Variants in TMEM39A observed in about 807,000 individuals in gnomAD.
The protein encoded by TMEM39A is suppressor of SQST-1 aggregates in rpl-43 mutants.
Under a neutral mutation model 51.9 loss-of-function variants are expected in TMEM39A, and 19 were observed. The observed-to-expected ratio is 0.37, with a 90% CI of 0.26 to 0.54. The LOEUF is 0.54. Ranked by LOEUF, TMEM39A falls within the 20% of genes least tolerant of loss-of-function variation. The pLI is 0.88. For missense variants in TMEM39A, 433 were observed against 590.5 expected (o/e 0.73, Z 2.76); for synonymous variants, 197 against 220.2 (o/e 0.89, Z 0.93).
chr3:119,435,603 A>G (rs2107659385), intron 7 of TMEM39A: 1 of 983,178 alleles, frequency 1.0e-6, no homozygotes, highest in African/African-American at 1.7e-5. Context: ...AATCTAAGTT[A>G]ATTCATCTCT....
rs533579816 is a variant in TMEM39A, at chr3:119,449,216, T to A, written c.421-2044A>T. 1.6e-4 allele frequency among the ~76,000 whole-genome samples: 24 copies of A among 152,242 alleles called. 1 individual carries two copies. The highest frequency in any genetic ancestry group is 5.9e-4 in the Admixed American group (9 of 15,302). Reference sequence around the variant, plus strand: ...ACTGTATATAAATAATTCTCAAATATAGTAAAATAAATGTAAATATAAAAT... The same window carrying A: ...ACTGTATATAAATAATTCTCAAATAAAGTAAAATAAATGTAAATATAAAAT... On this transcript the variant is annotated intron_variant, in intron 4 of 8. Transcript: ENST00000319172.
At position 119,438,005 on chromosome 3, in the gene TMEM39A, T is replaced by G. The variant is rs1453830487; in HGVS notation, c.674A>C (p.Glu225Ala). 1 of 1,614,032 alleles carries G rather than the reference T, an allele frequency of 6.2e-7. No individual in the cohort carries two copies. The highest frequency in any genetic ancestry group is 8.5e-7 in the Non-Finnish European group (1 of 1,180,010). Residue 225 changes from glutamate (E) to alanine (A), a missense_variant, in exon 6 of 9, where the codon GAG becomes GCG. Glu to Ala is a moderately radical substitution (Grantham distance 107). This residue lies in a region of TMEM39A where 223 missense variants were observed against 328.1 expected (regional missense o/e 0.68). Coordinates refer to ENST00000319172, the MANE Select transcript of TMEM39A (RefSeq NM_018266.3). ...YNYVVQHEAV[E>A]ESASTVGGLA... ...GCCTCCCACAGTCGAGGCACTTTCCTCTACTGCCTCGTGCTGAACCACATA... is the reference window on the plus strand; with the variant it reads ...GCCTCCCACAGTCGAGGCACTTTCCGCTACTGCCTCGTGCTGAACCACATA...
chr3:119,451,450 TTTTTTG>T (rs1284227357), intron 4 of TMEM39A: 1 of 496,804 alleles, frequency 2.0e-6, no homozygotes, highest in African/African-American at 2.0e-5. Flanking sequence ...TAAATTAACA[TTTTTTG>T]TTTTTGTAAT....
rs1321259191 is a variant in TMEM39A at position 119,463,329 on chromosome 3, TACTC to T, written c.-75+3_-75+6del. 2 of 357,908 alleles carry T rather than the reference TACTC, an allele frequency of 5.6e-6. No homozygotes were observed. Among genetic ancestry groups the T allele is most frequent in the African/African-American group, 2.1e-5 (1 of 47,634 alleles). 22.2% of individuals were successfully genotyped at this position (357,908 alleles called of 1,614,324 possible). ...GCCGGACCTTGGGGCAGCTCAGTAATACTCACGCATGGAAGAGTCCCAGCCGGTG... is the reference window on the plus strand; with the variant it reads ...GCCGGACCTTGGGGCAGCTCAGTAATACGCATGGAAGAGTCCCAGCCGGTG... On this transcript the variant is annotated splice_donor_5th_base_variant and intron_variant, in intron 1 of 8. Transcript: ENST00000319172.
At chr3:119,457,049 C>T (rs980735345) in intron 3 of TMEM39A, among the ~76,000 whole-genome samples, 25 of 151,336 alleles carry the variant, frequency 1.7e-4, no homozygotes, top group African/African-American at 6.1e-4. Flanking sequence ...CGGCTCACTG[C>T]AAGCTCCACC....
intron 7 of TMEM39A, 39 bp downstream of exon 7, chr3:119,436,752 T>C (rs1457273346): frequency 1.3e-6 from 2 of 1,553,656 alleles, no homozygotes; most frequent in Admixed American, 1.7e-5. Context: ...CAGCAGCATG[T>C]AGAAAGTGTT....
intron 5 of TMEM39A, among the ~76,000 whole-genome samples, chr3:119,445,497 T>G (rs1346438195): frequency 6.6e-6 from 1 of 152,184 alleles, no homozygotes; most frequent in Non-Finnish European, 1.5e-5. Context: ...ACTACTAACC[T>G]CAGGTGATCT....
chr3:119,447,260 G>T (rs2081140164), intron 4 of TMEM39A, 88 bp from the exon 5 acceptor site: 1 of 1,337,108 alleles, frequency 7.5e-7, no homozygotes, highest in South Asian at 1.5e-5. Flanking sequence ...AATAGGTTTA[G>T]TGGAAGCTAA....
At chr3:119,459,386 T>C (rs1411378942) in intron 2 of TMEM39A, among the ~76,000 whole-genome samples, 1 of 151,860 alleles carries the variant, frequency 6.6e-6, no homozygotes, top group East Asian at 1.9e-4. Flanking sequence ...GGGAAGCAAA[T>C]GGATGAAAGA....
chr3:119,437,615 T>G lies in TMEM39A; in HGVS notation c.924+140A>C, dbSNP rs374484510. ...ATCCGCCAACCAGGAGCGGTATTAG[T>G]GCACTCCAGATGCAGCCGAACTCCA... On this transcript the variant is annotated intron_variant, in intron 6 of 8. Coordinates refer to ENST00000319172, the MANE Select transcript of TMEM39A (RefSeq NM_018266.3). 6.6e-6 allele frequency: 4 copies of G among 602,956 alleles called. No individual in the cohort carries two copies. In the East Asian group the frequency reaches 8.4e-5, roughly 13 times the overall value. The allele number at this position is 602,956 out of a possible 1,614,324, so 37.4% of individuals were successfully genotyped here. A position where few individuals can be genotyped will look rare whatever the true frequency, so the allele number is the denominator to read the frequency against.
chr3:119,452,932 T>C (rs1427020886), intron 3 of TMEM39A, among the ~76,000 whole-genome samples: 1 of 152,224 alleles, frequency 6.6e-6, no homozygotes, highest in Non-Finnish European at 1.5e-5. Context: ...GTTGGTCTCT[T>C]ACACAAGCTT....
chr3:119,450,103 A>G (rs1322393027), intron 4 of TMEM39A, among the ~76,000 whole-genome samples: 21 of 152,234 alleles, frequency 1.4e-4, no homozygotes, highest in Non-Finnish European at 5.9e-5. Context: ...GAAAATCACT[A>G]TACAGCTCTT....
chr3:119,437,168 T>C (rs12492859), intron 6 of TMEM39A, among the ~76,000 whole-genome samples, 190 bp from the exon 7 acceptor site: 22,064 of 152,096 alleles, frequency 0.15, 2,012 homozygotes, highest in Admixed American at 0.2. Flanking sequence ...TCTGGCTGTA[T>C]GAGTTAGGGA....
intron 3 of TMEM39A, among the ~76,000 whole-genome samples, chr3:119,456,652 C>G (rs2081268399): frequency 6.6e-6 from 1 of 152,206 alleles, no homozygotes; most frequent in Non-Finnish European, 1.5e-5. Flanking sequence ...ATCTGACTAG[C>G]CTTAGTACAG....
chr3:119,432,331 A>G, intron 8 of TMEM39A, 117 bp from the exon 9 acceptor site: 1 of 657,134 alleles, frequency 1.5e-6, no homozygotes. Flanking sequence ...ATATAATAAT[A>G]AATAGATCTG....
chr3:119,448,373 G>C lies in TMEM39A; in HGVS notation c.421-1201C>G, dbSNP rs553282443. Among the ~76,000 whole-genome samples the C allele has an allele frequency of 5.3e-5, 8 of 152,168 alleles. No homozygotes were observed. In the South Asian group the frequency reaches 1.7e-3, roughly 32 times the overall value. The stretch of plus-strand genomic sequence containing the variant: ...GAGAGCAGTGATGGAACCCAAAAAG[G>C]AGAAAAAAATTATCTAGAGTCAACA... On this transcript the variant is annotated intron_variant, in intron 4 of 8. Coordinates refer to ENST00000319172, the MANE Select transcript of TMEM39A (RefSeq NM_018266.3).
At chr3:119,443,518 A>G (rs1406868848) in intron 5 of TMEM39A, among the ~76,000 whole-genome samples, 1 of 152,236 alleles carries the variant, frequency 6.6e-6, no homozygotes, top group Non-Finnish European at 1.5e-5. Context: ...ATTACAACTC[A>G]CTGAAGGCTC....
Position 119,431,779 on chromosome 3 carries a change from ATAT to A in TMEM39A, c.*199_*201del, listed in dbSNP as rs1316151691. On this transcript the variant is annotated 3_prime_UTR_variant, in exon 9 of 9. Transcript: ENST00000319172. Reference sequence around the variant, plus strand: ...CTGGACAGGCATACCTCTCATATGTATATTATTCGAATATACTAACACATGAAA... The same window carrying A: ...CTGGACAGGCATACCTCTCATATGTATATTCGAATATACTAACACATGAAA... 2.4e-6 allele frequency: 1 copy of A among 420,488 alleles called. No individual in the cohort carries two copies. The highest frequency in any genetic ancestry group is 4.2e-6 in the Non-Finnish European group (1 of 237,884). The allele number at this position is 420,488 out of a possible 1,614,324, so 26.0% of individuals were successfully genotyped here.
At chr3:119,463,287 G>C (rs867590798) in intron 1 of TMEM39A, 49 bp downstream of exon 1, 5 of 306,014 alleles carry the variant, frequency 1.6e-5, no homozygotes, top group Non-Finnish European at 3.0e-5. Context: ...CAAGAGGGCC[G>C]AGGCAGGTCC....
Sources: gnomAD v4.1 joint callset for allele counts (sites outside exome capture counted in the v4.1 genomes callset) on GRCh38, gnomAD v4.1.1 for gene constraint, gnomAD v4.1.1 regional missense constraint, MANE v1.5 for transcripts, NCBI Gene and HGNC (gene_info 2026-07-23, HGNC 2026-07-21) for gene names.